The following SHROOM2 variants were observed in gnomAD, a reference collection of about 807,000 sequenced individuals.
The protein encoded by SHROOM2 is protein Shroom2.
SHROOM2 carries 33 observed loss-of-function variants against 75.9 expected under a neutral mutation model. The ratio of observed to expected loss-of-function variants is 0.43; its 90% confidence interval spans 0.33 to 0.58. The LOEUF (loss-of-function observed/expected upper bound fraction) is 0.58, where lower values mean the gene tolerates loss of function less well. Among genes scored for constraint, SHROOM2 ranks in the 20% least tolerant of loss-of-function variants. The pLI, the probability that SHROOM2 is intolerant of heterozygous loss-of-function variation, is 0.04. For synonymous variants in SHROOM2, 655 were observed against 663.6 expected (o/e 0.99, Z 0.20); for missense variants, 1,434 against 1,461.2 (o/e 0.98, Z 0.30).
chrX:9,793,490 A>G (rs1365667101), intron 1 of SHROOM2, among the ~76,000 whole-genome samples: 1 of 108,473 alleles, frequency 9.2e-6, no homozygotes, highest in African/African-American at 3.4e-5. Context: ...GGGTTTCGCC[A>G]TGATGGCCAG....
At chrX:9,928,668 G>A (rs966501559) in intron 5 of SHROOM2, among the ~76,000 whole-genome samples, 1 of 109,813 alleles carries the variant, frequency 9.1e-6, no homozygotes, top group South Asian at 3.9e-4. Flanking sequence ...ACCCACACAC[G>A]CATACAACGC....
At chrX:9,856,245 A>G (rs761555845) in intron 1 of SHROOM2, among the ~76,000 whole-genome samples, 1 of 110,787 alleles carries the variant, frequency 9.0e-6, no homozygotes, top group Non-Finnish European at 1.9e-5. Flanking sequence ...AGAGTTCAGC[A>G]TGGAGAAATA....
chrX:9,897,657 G>A (rs1342162960), intron 4 of SHROOM2, among the ~76,000 whole-genome samples: 10 of 89,784 alleles, frequency 1.1e-4, no homozygotes, highest in Admixed American at 2.7e-4. Flanking sequence ...CTCCAGCCTG[G>A]GCAAAAGAGC....
intron 1 of SHROOM2, among the ~76,000 whole-genome samples, chrX:9,843,240 A>G (rs148304417): frequency 0.011 from 1,136 of 105,707 alleles, 7 homozygotes; most frequent in Non-Finnish European, 0.017. Flanking sequence ...GCCATCCCCT[A>G]TTGTTAACAT....
chrX:9,944,948 G>A (rs761161659), intron 9 of SHROOM2, 35 bp downstream of exon 9: 2 of 1,154,406 alleles, frequency 1.7e-6, no homozygotes, highest in Admixed American at 5.1e-5. Context: ...GAAATGGGGG[G>A]TGGTCTCGTG....
intron 9 of SHROOM2, among the ~76,000 whole-genome samples, chrX:9,945,341 G>A (rs1289228487): frequency 2.7e-5 from 3 of 110,499 alleles, no homozygotes; most frequent in African/African-American, 6.6e-5. Context: ...GAACTCCTGA[G>A]CTCAAGTGAT....
intron 1 of SHROOM2, among the ~76,000 whole-genome samples, chrX:9,858,357 CTT>C (rs2084084273): frequency 8.9e-6 from 1 of 112,460 alleles, no homozygotes; most frequent in Non-Finnish European, 1.9e-5. Flanking sequence ...AGCGGGGACA[CTT>C]TGTTCTAATG....
At chrX:9,804,797 G>A (rs191643900) in intron 1 of SHROOM2, among the ~76,000 whole-genome samples, 1 of 111,601 alleles carries the variant, frequency 9.0e-6, no homozygotes, top group African/African-American at 3.3e-5. Context: ...CCTGGAGGGT[G>A]GAACGTTGTA....
chrX:9,820,173 A>ATTTTTTTTTTTTTTTTTT, intron 1 of SHROOM2, among the ~76,000 whole-genome samples: 1 of 88,586 alleles, frequency 1.1e-5, no homozygotes, highest in Non-Finnish European at 2.2e-5. Flanking sequence ...TTATTGCAGT[A>ATTTTTTTTTTTTTTTTTT]TTTTTTTTTT....
At chrX:9,830,184 G>A (rs1174344074) in intron 1 of SHROOM2, among the ~76,000 whole-genome samples, 4 of 111,458 alleles carry the variant, frequency 3.6e-5, no homozygotes, top group African/African-American at 1.3e-4. Flanking sequence ...CTTTCTTTTT[G>A]TATGTGTGCT....
chrX:9,873,945 C>A, intron 2 of SHROOM2, 142 bp downstream of exon 2: 1 of 566,043 alleles, frequency 1.8e-6, no homozygotes, highest in African/African-American at 2.3e-5. Flanking sequence ...CTCGGCCAAG[C>A]ATGGGCCCGG....
chrX:9,862,376 A>C (rs1381004092), intron 1 of SHROOM2, among the ~76,000 whole-genome samples: 1 of 110,118 alleles, frequency 9.1e-6, no homozygotes, highest in Non-Finnish European at 1.9e-5. Flanking sequence ...TCTCGATGGA[A>C]GATGGCTCAC....
At chrX:9,882,470 T>G (rs1421438440) in intron 2 of SHROOM2, among the ~76,000 whole-genome samples, 1 of 111,708 alleles carries the variant, frequency 9.0e-6, no homozygotes, top group Non-Finnish European at 1.9e-5. Context: ...CACAAGTGGT[T>G]TGGATACTGG....
intron 5 of SHROOM2, among the ~76,000 whole-genome samples, chrX:9,904,839 T>A (rs1273138226): frequency 9.0e-6 from 1 of 111,610 alleles, no homozygotes; most frequent in African/African-American, 3.3e-5. Flanking sequence ...GACACAGACA[T>A]CCACCCAGAA....
chrX:9,829,534 T>G (rs2083904998), intron 1 of SHROOM2, among the ~76,000 whole-genome samples: 2 of 111,953 alleles, frequency 1.8e-5, no homozygotes, highest in South Asian at 7.4e-4. Flanking sequence ...CCGCTGTTGA[T>G]CCGTACACAC....
chrX:9,891,106 G>A lies in SHROOM2; in HGVS notation c.447G>A (p.Ala149=), dbSNP rs770571872. The change falls in exon 3 of 10, where the codon GCG becomes GCA. Residue 149 remains alanine (A), a splice_region_variant and synonymous_variant. Transcript: ENST00000380913. ...CTTCCTGGTCCGGCCGACACCACGC[G>A]AGGTAGGCACCCATTCCCGTCCAGG... ...GCPSWSGRHH[A]SSSSHDLSSS... 10 of 1,203,614 alleles carry A rather than the reference G, an allele frequency of 8.3e-6. No homozygotes were observed. The highest frequency in any genetic ancestry group is 1.8e-5 in the South Asian group (1 of 55,196).
At chrX:9,818,174 C>A in intron 1 of SHROOM2, 2 of 156,331 alleles carry the variant, frequency 1.3e-5, no homozygotes. Flanking sequence ...ACATGTTGTG[C>A]TGGCTGGTAA....
chrX:9,895,581 C>T lies in SHROOM2; in HGVS notation c.1673C>T (p.Ala558Val), dbSNP rs747944112. 70 of 1,166,092 alleles carry T rather than the reference C, an allele frequency of 6.0e-5. No homozygotes were observed. Among genetic ancestry groups the T allele is most frequent in the Non-Finnish European group, 7.4e-5 (65 of 875,358 alleles). The change falls in exon 4 of 10, where the codon GCA becomes GTA. Residue 558 changes from alanine (A) to valine (V), a missense_variant. By Grantham distance (64) the Ala-to-Val change is moderately conservative. Around this residue, in one of 3 missense-constraint regions of SHROOM2, gnomAD observed 1,340 missense variants for 1,338.3 expected, o/e 1.00. Transcript: ENST00000380913. The stretch of plus-strand genomic sequence containing the variant: ...CAGGAGCCTCCCAGGGCCAGCCGTG[C>T]AGAAAAAGCCAGCCAGAGGCTGGCA... ...GAQEPPRASR[A>V]EKASQRLAAS... is the part of the protein sequence containing the mutation.
At chrX:9,795,208 T>G (rs749636564) in intron 1 of SHROOM2, among the ~76,000 whole-genome samples, 1 of 110,412 alleles carries the variant, frequency 9.1e-6, no homozygotes, top group Admixed American at 9.7e-5. Context: ...CACTACAGCC[T>G]TGAACTCCTG....
Sources: gnomAD v4.1 joint callset for allele counts (sites outside exome capture counted in the v4.1 genomes callset) on GRCh38, gnomAD v4.1.1 for gene constraint, gnomAD v4.1.1 regional missense constraint, MANE v1.5 for transcripts, NCBI Gene and HGNC (gene_info 2026-07-23, HGNC 2026-07-21) for gene names.